MMRN1: variants seen among roughly 807,000 people sequenced by gnomAD.
MMRN1 encodes the protein multimerin 1, also known as multimerin-1.
A neutral mutation model predicts 100.7 loss-of-function variants in MMRN1; 94 were observed. The observed-to-expected ratio is 0.93, with a 90% CI of 0.79 to 1.11. MMRN1 has a LOEUF of 1.11. Among genes scored for constraint, MMRN1 ranks in the 50% least tolerant of loss-of-function variants. The pLI, the probability that MMRN1 is intolerant of heterozygous loss-of-function variation, is 0.00. For missense variants in MMRN1, 1,606 were observed against 1,439.1 expected (o/e 1.12, Z -1.88); for synonymous variants, 575 against 505.0 (o/e 1.14, Z -1.86).
upstream of MMRN1, among the ~76,000 whole-genome samples, chr4:89,892,033 G>GT (rs1015197242): frequency 1.5e-4 from 22 of 148,856 alleles, no homozygotes; most frequent in East Asian, 5.9e-4. Context: ...ATCTTTTTTT[G>GT]TTTTTTTTTC....
At chr4:89,934,164 A>G (rs1722529863) in intron 5 of MMRN1, among the ~76,000 whole-genome samples, 1 of 152,094 alleles carries the variant, frequency 6.6e-6, no homozygotes, top group Non-Finnish European at 1.5e-5. Flanking sequence ...ATGTCATACT[A>G]TAATAATATG....
chr4:89,887,944 C>A (rs1245714995), intron 1 of MMRN1, among the ~76,000 whole-genome samples: 1 of 151,864 alleles, frequency 6.6e-6, no homozygotes, highest in Non-Finnish European at 1.5e-5. Context: ...TGCTCTCTCT[C>A]TTCTTCTTTA....
intron 1 of MMRN1, among the ~76,000 whole-genome samples, chr4:89,888,882 C>A (rs1362835506): frequency 6.6e-6 from 1 of 152,040 alleles, no homozygotes; most frequent in Admixed American, 6.6e-5. Flanking sequence ...ATTTGAAATT[C>A]TCTCTCTTAT....
Position 89,953,129 on chromosome 4 carries a change from G to T in MMRN1, c.3398G>T (p.Arg1133Ile). 1 of 1,613,800 alleles carries T rather than the reference G, an allele frequency of 6.2e-7. No individual in the cohort carries two copies. Among genetic ancestry groups the T allele is most frequent in the Non-Finnish European group, 8.5e-7 (1 of 1,179,862 alleles). Residue 1133 changes from arginine to isoleucine, a missense_variant, in exon 8 of 8, where the codon AGA becomes ATA. By Grantham distance (97) the Arg-to-Ile change is moderately conservative (BLOSUM62 -3). Coordinates refer to ENST00000264790, the MANE Select transcript of MMRN1 (RefSeq NM_007351.3). ...DVNYGASYTPRTGKFRIPYLG... is the reference protein window; with the variant it reads ...DVNYGASYTPITGKFRIPYLG... ...AATTATGGAGCTTCATATACCCCAA[G>T]AACTGGAAAATTTAGAATTCCGTAT...
At position 89,927,815 on chromosome 4, in the gene MMRN1, G is replaced by T; in HGVS notation, c.976G>T (p.Asp326Tyr). Reference protein sequence around the residue: ...GDPEVMQKMTDQVNYQAMKLT... With the variant: ...GDPEVMQKMTYQVNYQAMKLT... ...TGCAGAAGTGATGCAAAAAATGACT[G>T]ATCAGGTGAACTACCAGGCAATGAA... Residue 326 changes from aspartate (D) to tyrosine (Y), a missense_variant, in exon 5 of 8, where the codon GAT becomes TAT. By Grantham distance (160) the Asp-to-Tyr change is radical. Transcript: ENST00000264790. 1 of 1,610,408 alleles carries T rather than the reference G, an allele frequency of 6.2e-7. No homozygotes were observed. The highest frequency in any genetic ancestry group is 1.1e-5 in the South Asian group (1 of 90,000).
chr4:89,898,860 T>C (rs1721294906), intron 1 of MMRN1, among the ~76,000 whole-genome samples: 1 of 152,138 alleles, frequency 6.6e-6, no homozygotes. Context: ...CTTACGACAC[T>C]ACATAATAAT....
chr4:89,947,068 G>A (rs999714924), intron 6 of MMRN1, among the ~76,000 whole-genome samples: 2 of 152,184 alleles, frequency 1.3e-5, no homozygotes, highest in African/African-American at 4.8e-5. Context: ...GATCACCTGA[G>A]GTTGGAAGTT....
intron 6 of MMRN1, among the ~76,000 whole-genome samples, chr4:89,945,286 GT>G (rs1448698872): frequency 6.6e-6 from 1 of 152,104 alleles, no homozygotes; most frequent in Non-Finnish European, 1.5e-5. Flanking sequence ...TGGGGTTACT[GT>G]GGATAAAGCT....
chr4:89,951,487 C>T, intron 6 of MMRN1, 118 bp from the exon 7 acceptor site: 1 of 1,064,456 alleles, frequency 9.4e-7, no homozygotes, highest in Admixed American at 3.6e-5. Flanking sequence ...GGCCGTGGAG[C>T]CCATTTTTCT....
intron 4 of MMRN1, among the ~76,000 whole-genome samples, chr4:89,925,775 C>G (rs1722238039): frequency 6.6e-6 from 1 of 152,008 alleles, no homozygotes; most frequent in African/African-American, 2.4e-5. Flanking sequence ...CCATCCCCAC[C>G]TCACTCCAAT....
chr4:89,936,526 T>C lies in MMRN1; in HGVS notation c.2846T>C (p.Ile949Thr), dbSNP rs1002566775. Residue 949 changes from isoleucine to threonine, a missense_variant, in exon 6 of 8, where the codon ATA becomes ACA. Transcript: ENST00000264790. ...CTGAATGCTACCATCCCTAAGTGGATAAAACATTCCCTGCCAGATATTCAA... is the reference window on the plus strand; with the variant it reads ...CTGAATGCTACCATCCCTAAGTGGACAAAACATTCCCTGCCAGATATTCAA... ...SELNATIPKW[I>T]KHSLPDIQLL... The C allele has an allele frequency of 6.2e-7, 1 of 1,613,186 alleles. No homozygotes were observed. Among genetic ancestry groups the C allele is most frequent in the Non-Finnish European group, 8.5e-7 (1 of 1,179,650 alleles).
At chr4:89,941,535 TC>T (rs1281316650) in intron 6 of MMRN1, among the ~76,000 whole-genome samples, 2 of 152,116 alleles carry the variant, frequency 1.3e-5, no homozygotes, top group African/African-American at 4.8e-5. Flanking sequence ...TGGGGGCTGG[TC>T]ACATAAGCAT....
upstream of MMRN1, among the ~76,000 whole-genome samples, chr4:89,891,922 G>A (rs1381087629): frequency 6.6e-6 from 1 of 151,958 alleles, no homozygotes; most frequent in Non-Finnish European, 1.5e-5. Context: ...AAGTCTTGCA[G>A]CTATAAAAAT....
In MMRN1 at chr4:89,895,391, A is replaced by G. The variant is rs1426106248; in HGVS notation, c.420A>G (p.Lys140=). 1.2e-6 allele frequency: 2 copies of G among 1,613,756 alleles called. No individual in the cohort carries two copies. Among genetic ancestry groups the G allele is most frequent in the Admixed American group, 3.3e-5 (2 of 59,980 alleles). The part of the protein sequence containing the change: ...ESVVLSNSTL[K]FLQSFARKSN... ...TGGTCCTTTCCAATTCTACACTGAA[A>G]TTTCTTCAGAGCTTTGCCAGAAAGT... is the stretch of plus-strand genomic sequence containing the variant. The change falls in exon 1 of 8, where the codon AAA becomes AAG. Residue 140 remains lysine, a synonymous_variant. Transcript: ENST00000264790.
Position 89,936,558 on chromosome 4 carries a change from C to T in MMRN1, c.2878C>T (p.Gln960Ter), listed in dbSNP as rs1432490830. 7.4e-6 allele frequency: 12 copies of T among 1,612,648 alleles called. No homozygotes were observed. The highest frequency in any genetic ancestry group is 1.0e-5 in the Non-Finnish European group (12 of 1,179,484). The change falls in exon 6 of 8, where the codon CAG (glutamine) becomes TAG (stop). Residue 960 changes from glutamine (Q) to a stop codon, truncating the protein, a stop_gained. Transcript: ENST00000264790. LOFTEE classifies it high-confidence loss of function. ...KHSLPDIQLLQKGLTEFVEPI... is the reference protein window; with the variant it reads ...KHSLPDIQLL Reference sequence around the variant, plus strand: ...TTCCCTGCCAGATATTCAACTTCTTCAGAAAGGTCTAACAGAATTTGTGGA... The same window carrying T: ...TTCCCTGCCAGATATTCAACTTCTTTAGAAAGGTCTAACAGAATTTGTGGA...
intron 5 of MMRN1, among the ~76,000 whole-genome samples, chr4:89,931,568 G>A (rs890475311): frequency 6.6e-6 from 1 of 152,076 alleles, no homozygotes; most frequent in Non-Finnish European, 1.5e-5. Context: ...CTGAGACAGG[G>A]TAATTTATAT....
chr4:89,944,938 A>G (rs1018974126), intron 6 of MMRN1, among the ~76,000 whole-genome samples: 6 of 152,178 alleles, frequency 3.9e-5, no homozygotes, highest in African/African-American at 1.4e-4. Flanking sequence ...ACATAGTCGT[A>G]TAACCTTCAC....
chr4:89,920,092 T>C (rs1431972889), intron 3 of MMRN1, among the ~76,000 whole-genome samples: 1 of 152,168 alleles, frequency 6.6e-6, no homozygotes, highest in Non-Finnish European at 1.5e-5. Context: ...AATACATCCT[T>C]TATCATGTAT....
Position 89,909,280 on chromosome 4 carries a change from T to C in MMRN1, c.628T>C (p.Trp210Arg). ...AACAATTATGATCTTCTTTAGGAATTGGTGTGCTTATGTACATACCAGGTT... is the reference window on the plus strand; with the variant it reads ...AACAATTATGATCTTCTTTAGGAATCGGTGTGCTTATGTACATACCAGGTT... ...SNFETTRGKN[W>R]CAYVHTRLSP... The change falls in exon 2 of 8, where the codon TGG (tryptophan) becomes CGG (arginine). Residue 210 changes from tryptophan to arginine, a missense_variant. Physicochemically the swap from Trp to Arg is moderately radical, Grantham distance 101 (BLOSUM62 -3). Transcript: ENST00000264790. 4 of 1,592,204 alleles carry C rather than the reference T, an allele frequency of 2.5e-6. No individual in the cohort carries two copies. The highest frequency in any genetic ancestry group is 3.4e-6 in the Non-Finnish European group (4 of 1,169,620).
Sources: gnomAD v4.1 joint callset for allele counts (sites outside exome capture counted in the v4.1 genomes callset) on GRCh38, gnomAD v4.1.1 for gene constraint, MANE v1.5 for transcripts, NCBI Gene and HGNC (gene_info 2026-07-23, HGNC 2026-07-21) for gene names.